The following CDH12 variants were observed in gnomAD, a reference collection of about 807,000 sequenced individuals.
The protein encoded by CDH12 is cadherin 12, also known as cadherin-12.
A neutral mutation model predicts 74.1 loss-of-function variants in CDH12; 41 were observed. The observed-to-expected ratio is 0.55, with a 90% confidence interval of 0.43 to 0.72. CDH12 has a LOEUF of 0.72. CDH12 is among the 30% of genes least tolerant of loss of function. The pLI is 0.00. For missense variants in CDH12, 945 were observed against 977.2 expected (o/e 0.97, Z 0.44); for synonymous variants, 399 against 355.0 (o/e 1.12, Z -1.39).
At position 22,484,653 on chromosome 5, in the gene CDH12, G is replaced by C. The variant is rs79958013; in HGVS notation, c.-428+20617C>G. Reference sequence around the variant, plus strand: ...ACAATATATGTACTAAATCAGCAGGGAGATGCCAGCACCGACAAAGTATAA... The same window carrying C: ...ACAATATATGTACTAAATCAGCAGGCAGATGCCAGCACCGACAAAGTATAA... On this transcript the variant is annotated intron_variant, in intron 2 of 14. Coordinates refer to ENST00000382254, the MANE Select transcript of CDH12 (RefSeq NM_004061.5). Among the ~76,000 whole-genome samples, 730 of 152,280 alleles carry C rather than the reference G, an allele frequency of 4.8e-3. 10 individuals carry two copies. The highest frequency in any genetic ancestry group is 0.017 in the African/African-American group (699 of 41,552).
chr5:21,870,511 A>G (rs191466206), intron 6 of CDH12, among the ~76,000 whole-genome samples: 101 of 152,282 alleles, frequency 6.6e-4, no homozygotes, highest in Non-Finnish European at 1.6e-4. Context: ...GTAGCCATTC[A>G]ATCCTGGACT....
chr5:22,666,918 C>A lies in CDH12; in HGVS notation c.-522-161554G>T, dbSNP rs539820130. Among the ~76,000 whole-genome samples, 3 of 152,182 alleles carry A rather than the reference C, an allele frequency of 2.0e-5. No homozygotes were observed. In the South Asian group the frequency reaches 6.2e-4, roughly 32 times the overall value. ...AGAATGCATAATATAACCTATAAGACCTTGCATATTTTGTTCTTATATCTG... is the reference window on the plus strand; with the variant it reads ...AGAATGCATAATATAACCTATAAGAACTTGCATATTTTGTTCTTATATCTG... On this transcript the variant is annotated intron_variant, in intron 1 of 14. Coordinates refer to ENST00000382254, the MANE Select transcript of CDH12 (RefSeq NM_004061.5).
intron 2 of CDH12, among the ~76,000 whole-genome samples, chr5:22,410,235 C>T (rs1470510677): frequency 1.3e-5 from 2 of 152,008 alleles, no homozygotes; most frequent in African/African-American, 4.8e-5. Context: ...CCTTCTTCCC[C>T]AAGGTAGGTC....
intron 4 of CDH12, among the ~76,000 whole-genome samples, chr5:22,081,487 A>G: frequency 6.6e-6 from 1 of 152,214 alleles, no homozygotes; most frequent in East Asian, 1.9e-4. Flanking sequence ...ATTGGGAGAT[A>G]AATACAAGGA....
intron 1 of CDH12, among the ~76,000 whole-genome samples, chr5:22,847,194 ATT>A (rs1737347296): frequency 1.3e-5 from 2 of 152,178 alleles, no homozygotes; most frequent in South Asian, 4.1e-4. Flanking sequence ...TGAGAAATTT[ATT>A]TGAGGTTTTC....
chr5:21,769,048 G>A (rs1475299578), intron 11 of CDH12, among the ~76,000 whole-genome samples: 2 of 151,974 alleles, frequency 1.3e-5, no homozygotes, highest in Non-Finnish European at 2.9e-5. Flanking sequence ...CTTGGAATTT[G>A]CATTTGACAA....
intron 1 of CDH12, among the ~76,000 whole-genome samples, chr5:22,641,025 A>G (rs546438427): frequency 6.6e-6 from 1 of 152,276 alleles, no homozygotes; most frequent in African/African-American, 2.4e-5. Flanking sequence ...CTGCTATATT[A>G]GTTAGGGTTC....
chr5:22,210,758 G>A (rs922670320), intron 4 of CDH12, among the ~76,000 whole-genome samples: 7 of 151,602 alleles, frequency 4.6e-5, no homozygotes, highest in African/African-American at 1.7e-4. Context: ...TGTTTTCAGC[G>A]ACATGCAAGT....
At chr5:22,343,481 G>A (rs1215319784) in intron 3 of CDH12, among the ~76,000 whole-genome samples, 2 of 152,054 alleles carry the variant, frequency 1.3e-5, no homozygotes, top group Admixed American at 6.5e-5. Context: ...GCAGTGGCGC[G>A]ATCTTGGCTC....
At chr5:21,770,386 G>T (rs940920559) in intron 11 of CDH12, among the ~76,000 whole-genome samples, 1 of 152,112 alleles carries the variant, frequency 6.6e-6, no homozygotes, top group African/African-American at 2.4e-5. Context: ...CAATTTGGGA[G>T]GCCAAGGCAA....
chr5:22,677,433 C>T (rs1741256209), intron 1 of CDH12, among the ~76,000 whole-genome samples: 1 of 152,006 alleles, frequency 6.6e-6, no homozygotes, highest in South Asian at 2.1e-4. Flanking sequence ...TTCCAGTTGT[C>T]CTTAAATGGT....
chr5:22,694,867 G>A (rs554718704), intron 1 of CDH12, among the ~76,000 whole-genome samples: 1 of 151,860 alleles, frequency 6.6e-6, no homozygotes, highest in Non-Finnish European at 1.5e-5. Flanking sequence ...TACATGTGCA[G>A]AATGTGCAGG....
At chr5:21,928,838 T>C (rs1754710011) in intron 6 of CDH12, among the ~76,000 whole-genome samples, 1 of 152,176 alleles carries the variant, frequency 6.6e-6, no homozygotes, top group South Asian at 2.1e-4. Flanking sequence ...CATTCCACTT[T>C]GTGTTTTTGG....
chr5:22,375,861 G>GC (rs1471998521), intron 3 of CDH12, among the ~76,000 whole-genome samples: 2 of 82 alleles, frequency 0.024, no homozygotes, highest in Admixed American at 0.2. Flanking sequence ...TACACTTAGT[G>GC]GAATGTAAAT....
At chr5:22,549,601 TA>T (rs1368423436) in intron 1 of CDH12, among the ~76,000 whole-genome samples, 2 of 152,208 alleles carry the variant, frequency 1.3e-5, no homozygotes, top group Non-Finnish European at 2.9e-5. Flanking sequence ...GCAATATTGA[TA>T]CAGTACCATA....
intron 5 of CDH12, among the ~76,000 whole-genome samples, chr5:22,003,976 C>G (rs1356153342): frequency 6.6e-6 from 1 of 151,892 alleles, no homozygotes; most frequent in East Asian, 1.9e-4. Context: ...ATTTCTGTCT[C>G]AGCACTTTGA....
chr5:22,540,750 G>A (rs1321084043), intron 1 of CDH12, among the ~76,000 whole-genome samples: 1 of 152,116 alleles, frequency 6.6e-6, no homozygotes, highest in Non-Finnish European at 1.5e-5. Flanking sequence ...TGTTCACCCA[G>A]TATTTCAAGA....
chr5:22,552,015 T>C (rs1189596630), intron 1 of CDH12, among the ~76,000 whole-genome samples: 6 of 152,100 alleles, frequency 3.9e-5, no homozygotes, highest in Non-Finnish European at 8.8e-5. Flanking sequence ...TAAATGTAAG[T>C]AATATACCTA....
At chr5:22,050,249 C>T (rs1233048762) in intron 5 of CDH12, among the ~76,000 whole-genome samples, 2 of 152,066 alleles carry the variant, frequency 1.3e-5, no homozygotes, top group African/African-American at 2.4e-5. Context: ...CTGAACTCTC[C>T]TTCCCCACCT....
Sources: gnomAD v4.1 joint callset for allele counts (sites outside exome capture counted in the v4.1 genomes callset) on GRCh38, gnomAD v4.1.1 for gene constraint, MANE v1.5 for transcripts, NCBI Gene and HGNC (gene_info 2026-07-23, HGNC 2026-07-21) for gene names.